The following ERG variants were observed in gnomAD, a reference collection of about 807,000 sequenced individuals.
ERG encodes transcriptional regulator ERG.
In ERG, 9 loss-of-function variants were observed where a neutral mutation model predicts 55.3. The ratio of observed to expected loss-of-function variants is 0.16; its 90% CI spans 0.10 to 0.28. The LOEUF (loss-of-function observed/expected upper bound fraction) is 0.28, where lower values mean the gene tolerates loss of function less well. ERG is among the 10% of genes least tolerant of loss of function. The probability of loss-of-function intolerance (pLI) is 1.00; values close to 1 mark genes in which losing one functional copy is unlikely to be tolerated. For missense variants in ERG, 434 were observed against 631.6 expected, an observed-to-expected ratio of 0.69 and a Z score of 3.35; for synonymous variants, 223 against 237.3, an observed-to-expected ratio of 0.94 and a Z score of 0.55.
chr21:38,649,531 A>G (rs1285160939), intron 1 of ERG, among the ~76,000 whole-genome samples: 12 of 152,216 alleles, frequency 7.9e-5, no homozygotes, highest in Admixed American at 7.2e-4. Flanking sequence ...ACGTTCTCAT[A>G]TTTACACATG....
intron 1 of ERG, among the ~76,000 whole-genome samples, chr21:38,461,283 C>T (rs567175058): frequency 6.6e-6 from 1 of 152,250 alleles, no homozygotes; most frequent in South Asian, 2.1e-4. Flanking sequence ...ATGCCTGTTT[C>T]TGAGTCCAAA....
chr21:38,431,920 C>CGGCA lies in ERG; in HGVS notation c.237-8363_237-8360dup, dbSNP rs1332873097. Among the ~76,000 whole-genome samples, 4 of 152,260 alleles carry CGGCA rather than the reference C, an allele frequency of 2.6e-5. No homozygotes were observed. The East Asian group carries it at 5.8e-4, about 22-fold the overall frequency. ...TGCTGCAGCCACAGAGGATGAGAGACGGCATGTCCCCAGCCTCTCCTCCTT... is the reference window on the plus strand; with the variant it reads ...TGCTGCAGCCACAGAGGATGAGAGACGGCAGGCATGTCCCCAGCCTCTCCTCCTT... On this transcript the variant is annotated intron_variant, in intron 2 of 9. Coordinates refer to ENST00000288319, the MANE Select transcript of ERG (RefSeq NM_182918.4).
At chr21:38,443,419 G>A (rs1424847251) in intron 2 of ERG, among the ~76,000 whole-genome samples, 1 of 152,188 alleles carries the variant, frequency 6.6e-6, no homozygotes, top group East Asian at 1.9e-4. Flanking sequence ...AAAAGCTTTA[G>A]AAATGTGTCC....
At chr21:38,549,985 T>C (rs1243355244) in intron 2 of ERG, among the ~76,000 whole-genome samples, 1 of 152,042 alleles carries the variant, frequency 6.6e-6, no homozygotes, top group Non-Finnish European at 1.5e-5. Flanking sequence ...GGAGGAAAAA[T>C]AGGAACTTAG....
chr21:38,367,634 A>G, the ERG span: 1 of 520,226 alleles, frequency 1.9e-6, no homozygotes, highest in Non-Finnish European at 3.8e-6. Flanking sequence ...TTAAAAGCAG[A>G]TCATTGGGTC....
At chr21:38,442,309 G>A (rs762052229) in intron 2 of ERG, among the ~76,000 whole-genome samples, 3 of 151,718 alleles carry the variant, frequency 2.0e-5, no homozygotes, top group Non-Finnish European at 2.9e-5. Context: ...CAGGGGAGTC[G>A]CTTGAACCCC....
chr21:38,571,253 T>C (rs1272527018), intron 2 of ERG, among the ~76,000 whole-genome samples: 4 of 152,202 alleles, frequency 2.6e-5, no homozygotes, highest in African/African-American at 9.7e-5. Context: ...TGGTCATGCC[T>C]GTAATCCCAG....
chr21:38,485,754 G>T (rs540176046), intron 1 of ERG, among the ~76,000 whole-genome samples: 3 of 151,744 alleles, frequency 2.0e-5, no homozygotes, highest in African/African-American at 4.8e-5. Context: ...CACCGCGCCT[G>T]GCCAATATAC....
intron 1 of ERG, among the ~76,000 whole-genome samples, chr21:38,452,697 T>C (rs981846727): frequency 6.6e-6 from 1 of 152,202 alleles, no homozygotes; most frequent in Non-Finnish European, 1.5e-5. Flanking sequence ...CTTTTCCCTA[T>C]GCTCAGCACA....
At chr21:38,407,472 T>C (rs2146465982) in intron 3 of ERG, among the ~76,000 whole-genome samples, 1 of 151,954 alleles carries the variant, frequency 6.6e-6, no homozygotes. Context: ...AAACGTGAAC[T>C]GTTGTCACTG....
chr21:38,613,245 A>C (rs2060238911), intron 1 of ERG, among the ~76,000 whole-genome samples: 1 of 152,236 alleles, frequency 6.6e-6, no homozygotes, highest in Admixed American at 6.5e-5. Flanking sequence ...AGTTTAAAAA[A>C]AGAAATCACT....
chr21:38,608,042 T>G (rs912629267), intron 1 of ERG, among the ~76,000 whole-genome samples: 1 of 151,976 alleles, frequency 6.6e-6, no homozygotes, highest in African/African-American at 2.4e-5. Context: ...TCAGGAAAAA[T>G]GAAAGTCACA....
intron 2 of ERG, among the ~76,000 whole-genome samples, chr21:38,427,038 G>A (rs763489773): frequency 2.6e-5 from 4 of 152,002 alleles, no homozygotes; most frequent in Non-Finnish European, 5.9e-5. Flanking sequence ...TTTCATATCC[G>A]AGGACAAGAA....
intron 1 of ERG, among the ~76,000 whole-genome samples, chr21:38,617,046 C>T (rs1305637987): frequency 2.0e-5 from 3 of 152,102 alleles, no homozygotes; most frequent in African/African-American, 7.2e-5. Context: ...GCAGAGAGAC[C>T]TAGGGAGTTA....
intron 1 of ERG, among the ~76,000 whole-genome samples, chr21:38,642,860 G>T (rs1788603270): frequency 6.6e-6 from 1 of 152,226 alleles, no homozygotes; most frequent in Non-Finnish European, 1.5e-5. Context: ...TTCCCAAGCA[G>T]CTGTTACTCC....
At position 38,380,125 on chromosome 21, in the gene ERG, C is replaced by CT; in HGVS notation, c.*3277dup. ...ATTAATGAGAAGCTAAATAAACTAG[C>CT]TTTTTAAAAAATATTTTCTTCTCTT... On this transcript the variant is annotated 3_prime_UTR_variant, in exon 10 of 10. Transcript: ENST00000288319. 2 of 1,032,206 alleles carry CT rather than the reference C, an allele frequency of 1.9e-6. No homozygotes were observed. Among genetic ancestry groups the CT allele is most frequent in the Non-Finnish European group, 2.3e-6 (2 of 858,302 alleles). 63.9% of individuals were successfully genotyped at this position (1,032,206 alleles called of 1,614,324 possible).
upstream of ERG, among the ~76,000 whole-genome samples, chr21:38,587,029 C>A (rs779478003): frequency 2.2e-4 from 33 of 152,114 alleles, 1 homozygote; most frequent in Admixed American, 6.5e-5. Flanking sequence ...ATGAAATAAG[C>A]CAGGCACAGA....
chr21:38,379,476 A>G (rs368636618), downstream of ERG, among the ~76,000 whole-genome samples: 16 of 152,268 alleles, frequency 1.1e-4, no homozygotes, highest in African/African-American at 2.6e-4. Context: ...GAAACATGCC[A>G]TGTGGCTACA....
intron 1 of ERG, among the ~76,000 whole-genome samples, chr21:38,624,183 G>C (rs1465359017): frequency 6.6e-6 from 1 of 151,958 alleles, no homozygotes; most frequent in East Asian, 1.9e-4. Flanking sequence ...ATCCAGCCTC[G>C]GCAAAGCCCT....
Sources: gnomAD v4.1 joint callset for allele counts (sites outside exome capture counted in the v4.1 genomes callset) on GRCh38, gnomAD v4.1.1 for gene constraint, MANE v1.5 for transcripts, NCBI Gene and HGNC (gene_info 2026-07-23, HGNC 2026-07-21) for gene names.